Variants in THTPA observed in about 807,000 individuals in gnomAD.
THTPA encodes thiamine triphosphatase, also known as thiamine-triphosphatase.
THTPA carries 16 observed loss-of-function variants against 16.5 expected under a neutral mutation model. The ratio of observed to expected loss-of-function variants is 0.97; its 90% CI spans 0.66 to 1.47. The LOEUF (loss-of-function observed/expected upper bound fraction) is 1.47. THTPA is among the 40% of genes most tolerant of loss of function. The pLI, the probability that THTPA is intolerant of heterozygous loss-of-function variation, is 0.00. For missense variants in THTPA, 281 were observed against 280.9 expected, an observed-to-expected ratio of 1.00 and a Z score of 0.00; for synonymous variants, 110 against 115.5, an observed-to-expected ratio of 0.95 and a Z score of 0.30.
chr14:23,523,255 A>AGAT, the THTPA span: 1 of 1,436,126 alleles, frequency 7.0e-7, no homozygotes, highest in South Asian at 1.5e-5. This position sits in a 1 kb window ranked among gnomAD's most constrained non-coding sequence, Gnocchi z 4.1. Context: ...GAGCTGGGCC[A>AGAT]GATAAGAGGA....
At chr14:23,522,221 G>A in the THTPA span, 5 of 1,478,564 alleles carry the variant, frequency 3.4e-6, no homozygotes, top group Non-Finnish European at 4.5e-6. Context: ...CACCCGCAAT[G>A]GGGGTGGCAT....
chr14:23,529,063 G>A, the THTPA span, among the ~76,000 whole-genome samples: 9 of 152,362 alleles, frequency 5.9e-5, no homozygotes, highest in South Asian at 2.1e-4. Flanking sequence ...GTAACACTGC[G>A]TATTGCAATA....
chr14:23,527,678 G>A, the THTPA span: 108 of 1,536,182 alleles, frequency 7.0e-5, no homozygotes, highest in African/African-American at 4.9e-4. Context: ...AGGGCAGGCC[G>A]GCCCACCAGC....
At chr14:23,535,948 G>A in the THTPA span, among the ~76,000 whole-genome samples, 1 of 152,122 alleles carries the variant, frequency 6.6e-6, no homozygotes, top group Non-Finnish European at 1.5e-5. The surrounding 1 kb of genome is among the most constrained non-coding windows in gnomAD (Gnocchi z 4.5). Context: ...TATCTCCAAA[G>A]TTGGTACCAA....
chr14:23,524,540 G>C, the THTPA span: 14 of 1,527,374 alleles, frequency 9.2e-6, no homozygotes, highest in South Asian at 1.2e-4. The surrounding 1 kb of genome is among the most constrained non-coding windows in gnomAD (Gnocchi z 5.6). Flanking sequence ...GAGTTGGGGG[G>C]GAGCACTGGG....
upstream of THTPA, chr14:23,555,927 C>T (rs1430974976): frequency 2.0e-5 from 3 of 152,288 alleles, no homozygotes; most frequent in African/African-American, 7.2e-5. Context: ...GTGCAGCTTT[C>T]CTGTCGCCAT....
chr14:23,524,376 T>G, the THTPA span: 14 of 1,536,092 alleles, frequency 9.1e-6, no homozygotes, highest in Non-Finnish European at 1.2e-5. This position sits in a 1 kb window ranked among gnomAD's most constrained non-coding sequence, Gnocchi z 5.6. Context: ...CGCTTGTCCC[T>G]GGGGGGCTCG....
At chr14:23,531,451 G>C in the THTPA span, 1 of 1,373,210 alleles carries the variant, frequency 7.3e-7, no homozygotes, top group Non-Finnish European at 9.4e-7. Context: ...TCCCTGCCCA[G>C]CTCTTATTCT....
the THTPA span, chr14:23,534,561 G>A: frequency 6.5e-7 from 1 of 1,536,140 alleles, no homozygotes; most frequent in Non-Finnish European, 8.7e-7. The surrounding 1 kb of genome is among the most constrained non-coding windows in gnomAD (Gnocchi z 4.5). Context: ...GAGACTGTGT[G>A]TGATCCATAA....
At chr14:23,553,362 G>A (rs1882111992), upstream of THTPA, among the ~76,000 whole-genome samples, 2 of 152,304 alleles carry the variant, frequency 1.3e-5, no homozygotes, top group South Asian at 2.1e-4. Context: ...CACTTTGGGA[G>A]GCTGAGGTGG....
At chr14:23,524,507 A>G in the THTPA span, 10 of 1,527,370 alleles carry the variant, frequency 6.5e-6, no homozygotes, top group Non-Finnish European at 7.9e-6. The surrounding 1 kb of genome is among the most constrained non-coding windows in gnomAD (Gnocchi z 5.6). Context: ...TCTCTCCCCA[A>G]ACACCAGCAA....
chr14:23,549,938 AG>A, the THTPA span, among the ~76,000 whole-genome samples: 1 of 152,242 alleles, frequency 6.6e-6, no homozygotes, highest in African/African-American at 2.4e-5. Context: ...AAGAAAAGGT[AG>A]GAAGAGGGCA....
At chr14:23,524,314 G>A in the THTPA span, 3 of 1,536,354 alleles carry the variant, frequency 2.0e-6, no homozygotes, top group South Asian at 2.4e-5. The surrounding 1 kb of genome is among the most constrained non-coding windows in gnomAD (Gnocchi z 5.6). Context: ...AATCCTGCAT[G>A]TACCAACGGT....
At chr14:23,548,031 C>T in the THTPA span, among the ~76,000 whole-genome samples, 1 of 152,162 alleles carries the variant, frequency 6.6e-6, no homozygotes, top group East Asian at 1.9e-4. Context: ...TTTCTCAATC[C>T]CTGAATGAGT....
chr14:23,534,973 G>T, the THTPA span: 1 of 1,536,066 alleles, frequency 6.5e-7, no homozygotes, highest in Non-Finnish European at 8.7e-7. This position sits in a 1 kb window ranked among gnomAD's most constrained non-coding sequence, Gnocchi z 4.5. Flanking sequence ...CTCACCTCCA[G>T]CTGTGAAGAA....
At position 23,559,121 on chromosome 14, in the gene THTPA, GA is replaced by G; in HGVS notation, c.*282del. On this transcript the variant is annotated 3_prime_UTR_variant, in exon 2 of 2. Transcript: ENST00000288014. ...GTTTATAGGATTTCCACTTAGCCGT[GA>G]TCAGTAGTTAAGCACAGGAAAATCC... The G allele has an allele frequency of 2.4e-6, 1 of 412,564 alleles. No homozygotes were observed. Among genetic ancestry groups the G allele is most frequent in the Non-Finnish European group, 4.4e-6 (1 of 225,488 alleles). 25.6% of individuals were successfully genotyped at this position (412,564 alleles called of 1,614,324 possible).
Position 23,556,790 on chromosome 14 carries a change from G to A in THTPA, c.33G>A (p.Lys11=). The change falls in exon 1 of 2, where the codon AAG becomes AAA. Residue 11 remains lysine, a synonymous_variant. Coordinates refer to ENST00000288014, the MANE Select transcript of THTPA (RefSeq NM_024328.6). ...AGGGCTTGATTGAGGTGGAGCGAAA[G>A]TTCCTTCCAGGGCCTGGCACAGAGG... is the stretch of plus-strand genomic sequence containing the variant. The part of the protein sequence containing the change: MAQGLIEVER[K]FLPGPGTEER... The A allele has an allele frequency of 6.2e-7, 1 of 1,613,712 alleles. No homozygotes were observed. Among genetic ancestry groups the A allele is most frequent in the South Asian group, 1.1e-5 (1 of 90,974 alleles).
chr14:23,540,814 T>C, the THTPA span, among the ~76,000 whole-genome samples: 1 of 152,234 alleles, frequency 6.6e-6, no homozygotes, highest in Non-Finnish European at 1.5e-5. Flanking sequence ...GGTAGTTCTT[T>C]TCCTTCTCTC....
chr14:23,521,447 A>G, the THTPA span: 1 of 154,132 alleles, frequency 6.5e-6, no homozygotes, highest in Non-Finnish European at 1.4e-5. Flanking sequence ...AGAGTGGCGA[A>G]GTTTGTTTTC....
Sources: allele counts gnomAD v4.1 joint callset (sites outside exome capture counted in the v4.1 genomes callset), GRCh38; gene constraint gnomAD v4.1.1; non-coding constraint Gnocchi (gnomAD v3.1); transcripts MANE v1.5; gene names NCBI Gene and HGNC (gene_info 2026-07-23, HGNC 2026-07-21).